The following SLC41A2 variants were observed in gnomAD, a reference collection of about 807,000 sequenced individuals.
SLC41A2 encodes solute carrier family 41 member 2.
Under a neutral mutation model 58.3 loss-of-function variants are expected in SLC41A2, and 32 were observed. The ratio of observed to expected loss-of-function variants is 0.55; its 90% CI spans 0.41 to 0.74. The LOEUF (loss-of-function observed/expected upper bound fraction) is 0.74. Ranked by LOEUF, SLC41A2 falls within the 30% of genes least tolerant of loss-of-function variation. The probability of loss-of-function intolerance (pLI) is 0.00; values close to 1 mark genes in which losing one functional copy is unlikely to be tolerated. For synonymous variants in SLC41A2, 190 were observed against 235.0 expected, an observed-to-expected ratio of 0.81 and a Z score of 1.75; for missense variants, 514 against 680.6, an observed-to-expected ratio of 0.76 and a Z score of 2.72.
intron 10 of SLC41A2, among the ~76,000 whole-genome samples, chr12:104,838,264 T>A (rs1459619379): frequency 6.6e-6 from 1 of 152,232 alleles, no homozygotes; most frequent in Non-Finnish European, 1.5e-5. Flanking sequence ...GTCGTAGGTA[T>A]ATTCACATTA....
intron 3 of SLC41A2, among the ~76,000 whole-genome samples, chr12:104,901,870 A>G (rs968584714): frequency 6.6e-6 from 1 of 152,208 alleles, no homozygotes; most frequent in Non-Finnish European, 1.5e-5. Context: ...TTGAATGAGT[A>G]GACTGTATCT....
At chr12:104,851,977 A>G (rs1259033568) in intron 8 of SLC41A2, 2 of 152,238 alleles carry the variant, frequency 1.3e-5, no homozygotes, top group Non-Finnish European at 2.9e-5. Context: ...ATCGGTACTC[A>G]TCTGATAATA....
intron 3 of SLC41A2, among the ~76,000 whole-genome samples, chr12:104,898,506 C>G (rs17036489): frequency 0.033 from 4,822 of 148,090 alleles, 147 homozygotes; most frequent in East Asian, 0.16. Context: ...AGTCTCCATT[C>G]ATGCATTATT....
chr12:104,845,459 C>T (rs1004118045), intron 9 of SLC41A2, among the ~76,000 whole-genome samples: 16 of 152,100 alleles, frequency 1.1e-4, no homozygotes, highest in Admixed American at 2.0e-4. Flanking sequence ...TCCTTGAAAT[C>T]GAGTTTATCC....
intron 10 of SLC41A2, among the ~76,000 whole-genome samples, chr12:104,831,021 G>C (rs1008384023): frequency 2.0e-5 from 3 of 152,010 alleles, no homozygotes; most frequent in African/African-American, 7.2e-5. Flanking sequence ...CATTATCCCT[G>C]ATGTATATAG....
chr12:104,855,792 T>C (rs915785952), intron 8 of SLC41A2, among the ~76,000 whole-genome samples: 3 of 152,118 alleles, frequency 2.0e-5, no homozygotes, highest in Non-Finnish European at 4.4e-5. Flanking sequence ...GGAGAGGAAG[T>C]ATGCGATTGG....
intron 1 of SLC41A2, among the ~76,000 whole-genome samples, chr12:104,943,505 G>A (rs2047590827): frequency 6.6e-6 from 1 of 152,218 alleles, no homozygotes; most frequent in Admixed American, 6.5e-5. Flanking sequence ...TCTTCAAATG[G>A]AGCTCCAGAT....
At chr12:104,864,254 C>T (rs2043330023) in intron 7 of SLC41A2, among the ~76,000 whole-genome samples, 1 of 152,108 alleles carries the variant, frequency 6.6e-6, no homozygotes, top group Non-Finnish European at 1.5e-5. Context: ...TTTGATAGAC[C>T]ACACCTCCTT....
chr12:104,900,087 T>A, intron 3 of SLC41A2, among the ~76,000 whole-genome samples: 1 of 152,188 alleles, frequency 6.6e-6, no homozygotes, highest in Non-Finnish European at 1.5e-5. Flanking sequence ...TTTGAGCTAA[T>A]AAGACTATCA....
chr12:104,833,800 G>C (rs767674050), intron 10 of SLC41A2, among the ~76,000 whole-genome samples: 2 of 149,072 alleles, frequency 1.3e-5, no homozygotes, highest in Non-Finnish European at 3.0e-5. Flanking sequence ...TTTTTTTTGT[G>C]GGGGGTGAAT....
intron 3 of SLC41A2, among the ~76,000 whole-genome samples, chr12:104,900,740 T>G (rs1319955269): frequency 6.6e-6 from 1 of 152,228 alleles, no homozygotes; most frequent in Non-Finnish European, 1.5e-5. Context: ...ACATGGAGAA[T>G]TATGCCAAAT....
chr12:104,807,530 A>G (rs1402095704), intron 10 of SLC41A2, among the ~76,000 whole-genome samples: 1 of 152,134 alleles, frequency 6.6e-6, no homozygotes, highest in Non-Finnish European at 1.5e-5. Flanking sequence ...TTGGTTTAGG[A>G]TTGACTTGGC....
chr12:104,935,041 T>A (rs1341169711), intron 1 of SLC41A2, among the ~76,000 whole-genome samples: 1 of 152,204 alleles, frequency 6.6e-6, no homozygotes, highest in African/African-American at 2.4e-5. Context: ...CACTGCAACC[T>A]CCGCCTCCCA....
At chr12:104,834,669 A>G (rs1324629276) in intron 10 of SLC41A2, among the ~76,000 whole-genome samples, 2 of 152,002 alleles carry the variant, frequency 1.3e-5, no homozygotes, top group Non-Finnish European at 2.9e-5. Flanking sequence ...GGTTTGAGTT[A>G]GCATCATGAT....
At chr12:104,812,906 T>C (rs1005966375) in intron 10 of SLC41A2, among the ~76,000 whole-genome samples, 1 of 151,820 alleles carries the variant, frequency 6.6e-6, no homozygotes, top group African/African-American at 2.4e-5. Flanking sequence ...AGGCCAGGCA[T>C]GGTGGCTCAC....
chr12:104,889,703 T>C (rs190894525), intron 4 of SLC41A2, among the ~76,000 whole-genome samples: 1 of 152,294 alleles, frequency 6.6e-6, no homozygotes, highest in East Asian at 1.9e-4. Context: ...CAACGTAGAT[T>C]ATTCCCTGCC....
At chr12:104,911,606 CTT>C (rs1314218027) in intron 2 of SLC41A2, among the ~76,000 whole-genome samples, 1 of 152,162 alleles carries the variant, frequency 6.6e-6, no homozygotes, top group African/African-American at 2.4e-5. Flanking sequence ...AAAAGTAAAA[CTT>C]ATATCTATCA....
chr12:104,905,171 T>C (rs976164293), intron 3 of SLC41A2, among the ~76,000 whole-genome samples: 8 of 152,226 alleles, frequency 5.3e-5, no homozygotes, highest in East Asian at 1.9e-4. Context: ...AGAGTGTCGA[T>C]TGGTGCACTC....
chr12:104,884,424 G>T (rs541401156), intron 6 of SLC41A2, among the ~76,000 whole-genome samples: 1 of 152,050 alleles, frequency 6.6e-6, no homozygotes, highest in Admixed American at 6.5e-5. Context: ...CTTCTGCGTC[G>T]CTCACTGAGA....
Sources: allele counts gnomAD v4.1 joint callset (sites outside exome capture counted in the v4.1 genomes callset), GRCh38; gene constraint gnomAD v4.1.1; transcripts MANE v1.5; gene names NCBI Gene and HGNC (gene_info 2026-07-23, HGNC 2026-07-21).